RAB5B: variants seen among roughly 807,000 people sequenced by gnomAD.
The protein encoded by RAB5B is RAB5B, member RAS oncogene family.
In RAB5B, 11 loss-of-function variants were observed where a neutral mutation model predicts 28.6. The observed-to-expected ratio is 0.38, with a 90% CI of 0.24 to 0.64. The LOEUF is 0.64. RAB5B is among the 30% of genes least tolerant of loss of function. The pLI is 0.53. For synonymous variants in RAB5B, 93 were observed against 97.9 expected (o/e 0.95, Z 0.29); for missense variants, 169 against 265.6 (o/e 0.64, Z 2.53).
At chr12:55,990,566 T>C in intron 3 of RAB5B, 116 bp from the exon 4 acceptor site, 1 of 1,285,530 alleles carries the variant, frequency 7.8e-7, no homozygotes. Flanking sequence ...CAGAGACCTG[T>C]GGTTTCACTG....
chr12:55,993,712 C>CA lies in RAB5B; in HGVS notation c.*1501dup, dbSNP rs1445904790. ...CCTTAATCCCCCCATCCCTCCCCAT[C>CA]ATGCAACCAGTGGTTTAATCCATGT... On this transcript the variant is annotated 3_prime_UTR_variant, in exon 6 of 6. Transcript: ENST00000360299. The CA allele has an allele frequency of 1.3e-5, 2 of 152,700 alleles. No individual in the cohort carries two copies. Among genetic ancestry groups the CA allele is most frequent in the Non-Finnish European group, 2.9e-5 (2 of 68,020 alleles). 9.5% of individuals were successfully genotyped at this position (152,700 alleles called of 1,614,324 possible).
Position 55,990,104 on chromosome 12 carries a change from T to C in RAB5B, c.315+6T>C. On this transcript the variant is annotated splice_donor_region_variant and intron_variant, in intron 3 of 5. Transcript: ENST00000360299. ...TTTACGACATTACTAATCAGGTAAG[T>C]GAGCTAAGAAGACTGTCCTTGTTGG... 1 of 1,611,354 alleles carries C rather than the reference T, an allele frequency of 6.2e-7. No individual in the cohort carries two copies. Among genetic ancestry groups the C allele is most frequent in the Non-Finnish European group, 8.5e-7 (1 of 1,178,372 alleles).
At chr12:55,977,972 AC>A (rs1889691650) in intron 1 of RAB5B, among the ~76,000 whole-genome samples, 1 of 152,208 alleles carries the variant, frequency 6.6e-6, no homozygotes, top group African/African-American at 2.4e-5. Context: ...TTCAACATCA[AC>A]TGAAAATTCA....
At position 55,989,951 on chromosome 12, in the gene RAB5B, C is replaced by T. The variant is rs748322257; in HGVS notation, c.168C>T (p.Ala56=). 1.9e-6 allele frequency: 3 copies of T among 1,612,450 alleles called. No homozygotes were observed. Among genetic ancestry groups the T allele is most frequent in the Admixed American group, 3.3e-5 (2 of 60,004 alleles). ...HEYQESTIGA[A]FLTQSVCLDD... ...CCTCCATTCTCTCATCCATAGCGGCCTTCCTCACCCAGTCCGTTTGTCTAG... is the reference window on the plus strand; with the variant it reads ...CCTCCATTCTCTCATCCATAGCGGCTTTCCTCACCCAGTCCGTTTGTCTAG... Residue 56 remains alanine, a synonymous_variant, in exon 3 of 6, where the codon GCC becomes GCT. Coordinates refer to ENST00000360299, the MANE Select transcript of RAB5B (RefSeq NM_002868.4).
In RAB5B at chr12:55,980,624, T is replaced by C. The variant is rs1483876723; in HGVS notation, c.-92-6245T>C. On this transcript the variant is annotated intron_variant, in intron 1 of 5. Transcript: ENST00000360299. The stretch of plus-strand genomic sequence containing the variant: ...GATTCCATGCTCTCGAGCCAACTTA[T>C]CGGCCTGCTCCTTCTGCACCTTCCT... 1.0e-5 allele frequency: 16 copies of C among 1,599,192 alleles called. No homozygotes were observed. The East Asian group carries it at 1.8e-4, about 18-fold the overall frequency.
chr12:55,981,655 T>C (rs373160130), intron 1 of RAB5B, among the ~76,000 whole-genome samples: 4 of 152,054 alleles, frequency 2.6e-5, no homozygotes, highest in South Asian at 2.1e-4. Flanking sequence ...TTTACTGTTA[T>C]GCCTACTTTG....
intron 2 of RAB5B, among the ~76,000 whole-genome samples, chr12:55,989,393 G>A (rs1890044379): frequency 6.6e-6 from 1 of 152,120 alleles, no homozygotes; most frequent in African/African-American, 2.4e-5. Context: ...TCCAGCCTCA[G>A]CCTCCCGAGT....
chr12:55,996,001 A>ATTTTT lies in RAB5B; in HGVS notation c.*3790_*3791insTTTTT, dbSNP rs1365255281. 56 of 84,628 alleles carry ATTTTT rather than the reference A, an allele frequency of 6.6e-4. No homozygotes were observed. The East Asian group carries it at 8.8e-3, about 13-fold the overall frequency. 5.2% of individuals were successfully genotyped at this position (84,628 alleles called of 1,614,324 possible). A position where few individuals can be genotyped will look rare whatever the true frequency, so the allele number is the denominator to read the frequency against. On this transcript the variant is annotated 3_prime_UTR_variant, in exon 6 of 6. Coordinates refer to ENST00000360299, the MANE Select transcript of RAB5B (RefSeq NM_002868.4). The stretch of plus-strand genomic sequence containing the variant: ...TATATATACATATATATATATATAT[A>ATTTTT]TATTTTTTTTTTAACAACTGGTAGG...
intron 1 of RAB5B, among the ~76,000 whole-genome samples, chr12:55,981,245 G>C (rs1262219597): frequency 6.6e-6 from 1 of 152,020 alleles, no homozygotes; most frequent in Non-Finnish European, 1.5e-5. Context: ...TGTATTTTTA[G>C]TAGAGACAGG....
intron 1 of RAB5B, chr12:55,980,902 A>G (rs1276457084): frequency 1.9e-6 from 3 of 1,613,358 alleles, no homozygotes; most frequent in Non-Finnish European, 2.5e-6. Flanking sequence ...GGATCTTGAA[A>G]TCAATTCCGA....
At chr12:55,988,059 G>C (rs1001326860) in intron 2 of RAB5B, among the ~76,000 whole-genome samples, 3 of 152,112 alleles carry the variant, frequency 2.0e-5, no homozygotes, top group African/African-American at 7.2e-5. Flanking sequence ...TGAGGTAGGA[G>C]AACTACTTGA....
rs1483602360 is a variant in RAB5B at position 55,992,157 on chromosome 12, G to T, written c.593G>T (p.Gly198Val). The change falls in exon 6 of 6, where the codon GGT becomes GTT. Residue 198 changes from glycine (G) to valine (V), a missense_variant. This residue lies in a region of RAB5B where 123 missense variants were observed against 162.4 expected (regional missense o/e 0.76). Transcript: ENST00000360299. The stretch of plus-strand genomic sequence containing the variant: ...GGAGGTGCAGCAGGCCGAAGCCGGG[G>T]TGTGGATCTCCATGAACAGTCCCAG... The part of the protein sequence containing the change: ...NLGGAAGRSR[G>V]VDLHEQSQQN... 1.2e-6 allele frequency: 2 copies of T among 1,614,056 alleles called. No individual in the cohort carries two copies. The highest frequency in any genetic ancestry group is 1.3e-5 in the African/African-American group (1 of 74,920).
rs139044776 is a variant in RAB5B, at chr12:55,995,940, CCTCTCTCT to C, written c.*3738_*3745del. On this transcript the variant is annotated 3_prime_UTR_variant, in exon 6 of 6. Transcript: ENST00000360299. Reference sequence around the variant, plus strand: ...CTTTCTCTCTCTCTCCCTCTTTCTCCCTCTCTCTCTCTCTCTCACTCTCTCTCTCTCCA... The same window carrying C: ...CTTTCTCTCTCTCTCCCTCTTTCTCCCTCTCTCTCACTCTCTCTCTCTCCA... The C allele has an allele frequency of 8.1e-6, 1 of 124,076 alleles. No individual in the cohort carries two copies. Among genetic ancestry groups the C allele is most frequent in the East Asian group, 2.2e-4 (1 of 4,618 alleles). The allele number at this position is 124,076 out of a possible 1,614,324, so 7.7% of individuals were successfully genotyped here.
chr12:55,978,848 C>G (rs1484396094), intron 1 of RAB5B, among the ~76,000 whole-genome samples: 1 of 150,414 alleles, frequency 6.6e-6, no homozygotes, highest in Non-Finnish European at 1.5e-5. Context: ...TCTGTGCTCA[C>G]TGCAACCTCC....
intron 4 of RAB5B, 33 bp from the exon 5 acceptor site, chr12:55,991,327 A>G (rs1890111642): frequency 3.3e-6 from 5 of 1,538,208 alleles, no homozygotes; most frequent in African/African-American, 1.4e-5. Context: ...CCCACCCTAC[A>G]TTCTGAGCAC....
chr12:55,990,589 C>G, intron 3 of RAB5B, 93 bp from the exon 4 acceptor site: 1 of 1,515,682 alleles, frequency 6.6e-7, no homozygotes, highest in Non-Finnish European at 9.1e-7. Context: ...GGAAGACCAC[C>G]TAGAAGAGGT....
rs765109268 is a variant in RAB5B at position 55,992,115 on chromosome 12, G to T, written c.551G>T (p.Ser184Ile). The T allele has an allele frequency of 2.5e-6, 4 of 1,614,138 alleles. No individual in the cohort carries two copies. In the Admixed American group the frequency reaches 5.0e-5, roughly 20 times the overall value. The change falls in exon 6 of 6, where the codon AGT (serine) becomes ATT (isoleucine). Residue 184 changes from serine to isoleucine, a missense_variant. Ser to Ile is a moderately radical substitution (Grantham distance 142, BLOSUM62 -2). Coordinates refer to ENST00000360299, the MANE Select transcript of RAB5B (RefSeq NM_002868.4). ...FLAIAKKLPK[S>I]EPQNLGGAAG... is the part of the protein sequence containing the mutation. The stretch of plus-strand genomic sequence containing the variant: ...TCTCTAGCTAAGAAGTTGCCAAAGA[G>T]TGAACCCCAGAATCTGGGAGGTGCA...
intron 2 of RAB5B, 42 bp from the exon 3 acceptor site, chr12:55,989,905 C>G (rs762489089): frequency 6.3e-7 from 1 of 1,581,784 alleles, no homozygotes; most frequent in Admixed American, 1.7e-5. Flanking sequence ...CCCATTCATC[C>G]TCCCACTTAC....
chr12:55,990,485 C>T (rs1016780028), intron 3 of RAB5B, among the ~76,000 whole-genome samples, 197 bp from the exon 4 acceptor site: 1 of 151,846 alleles, frequency 6.6e-6, no homozygotes, highest in African/African-American at 2.4e-5. Context: ...GGGCAGAAAA[C>T]GGGTTCTTGA....
Sources: allele counts gnomAD v4.1 joint callset (sites outside exome capture counted in the v4.1 genomes callset), GRCh38; gene constraint gnomAD v4.1.1; regional missense constraint gnomAD v4.1.1; transcripts MANE v1.5; gene names NCBI Gene and HGNC (gene_info 2026-07-23, HGNC 2026-07-21).